Variants in CAP1 observed in about 807,000 individuals in gnomAD.
The protein encoded by CAP1 is adenylyl cyclase-associated protein 1.
CAP1 carries 11 observed loss-of-function variants against 58.2 expected under a neutral mutation model. That is an observed-to-expected ratio of 0.19 (90% CI 0.12 to 0.31). CAP1 has a LOEUF of 0.31. CAP1 is among the 10% of genes least tolerant of loss of function. The pLI is 1.00. For missense variants in CAP1, 423 were observed against 587.5 expected (o/e 0.72, Z 2.89); for synonymous variants, 183 against 213.8 (o/e 0.86, Z 1.26).
chr1:40,058,940 C>G (rs1646731068), intron 1 of CAP1, among the ~76,000 whole-genome samples: 1 of 151,988 alleles, frequency 6.6e-6, no homozygotes, highest in African/African-American at 2.4e-5. Flanking sequence ...TATCTCTAAG[C>G]GTGTAGTAAT....
In CAP1 at chr1:40,040,762, A is replaced by G. The variant is rs998417757; in HGVS notation, c.-50A>G. The G allele has an allele frequency of 6.5e-6, 1 of 152,900 alleles. No homozygotes were observed. Among genetic ancestry groups the G allele is most frequent in the Non-Finnish European group, 1.5e-5 (1 of 68,294 alleles). 9.5% of individuals were successfully genotyped at this position (152,900 alleles called of 1,614,324 possible). A position where few individuals can be genotyped will look rare whatever the true frequency, so the allele number is the denominator to read the frequency against. On this transcript the variant is annotated 5_prime_UTR_variant, in exon 1 of 13. Transcript: ENST00000372805. The stretch of plus-strand genomic sequence containing the variant: ...TGGGCGGTTCTTGCCGGAAGCGGAG[A>G]GCGGCTGATCGCAGTCCGGAGGTGA...
In CAP1 at chr1:40,069,739, G is replaced by C; in HGVS notation, c.858G>C (p.Leu286=). 1 of 1,613,838 alleles carries C rather than the reference G, an allele frequency of 6.2e-7. No individual in the cohort carries two copies. Residue 286 remains leucine, a synonymous_variant, in exon 9 of 13, where the codon CTG becomes CTC. Coordinates refer to ENST00000372805, the MANE Select transcript of CAP1 (RefSeq NM_006367.4). The stretch of plus-strand genomic sequence containing the variant: ...TGAAGACTCACAAGAACCCTGCCCT[G>C]AAGGCTCAGAGTGGTCCAGTACGCA... ...DDMKTHKNPA[L]KAQSGPVRSG...
At chr1:40,050,753 A>G (rs902904336) in intron 1 of CAP1, among the ~76,000 whole-genome samples, 6 of 152,144 alleles carry the variant, frequency 3.9e-5, no homozygotes, top group Non-Finnish European at 8.8e-5. Context: ...TCTAGACCCT[A>G]ATATCATCAC....
intron 8 of CAP1, 30 bp downstream of exon 8, chr1:40,067,747 G>A (rs1482688614): frequency 1.3e-6 from 2 of 1,543,406 alleles, no homozygotes; most frequent in Non-Finnish European, 8.8e-7. Context: ...CGAACAGTAG[G>A]TACAACAAGT....
rs747291241 is a variant in CAP1 at position 40,070,143 on chromosome 1, G to C, written c.994-16G>C. 6.2e-7 allele frequency: 1 copy of C among 1,613,724 alleles called. No individual in the cohort carries two copies. The highest frequency in any genetic ancestry group is 8.5e-7 in the Non-Finnish European group (1 of 1,180,012). On this transcript the variant is annotated splice_polypyrimidine_tract_variant and intron_variant, in intron 9 of 12. Coordinates refer to ENST00000372805, the MANE Select transcript of CAP1 (RefSeq NM_006367.4). ...GTGTGCTTTGTGATGAGAATCCTGG[G>C]ATCTCTCTCTAACAGGAAAATCAGG...
chr1:40,061,964 A>G (rs1570402250), intron 4 of CAP1, 152 bp downstream of exon 4: 2 of 674,176 alleles, frequency 3.0e-6, no homozygotes, highest in Admixed American at 2.3e-5. Flanking sequence ...CCATACTTCA[A>G]GTGCCTTAAT....
At chr1:40,041,898 C>T (rs1029409803) in intron 1 of CAP1, among the ~76,000 whole-genome samples, 1 of 152,142 alleles carries the variant, frequency 6.6e-6, no homozygotes, top group Non-Finnish European at 1.5e-5. Flanking sequence ...AATAGGAATG[C>T]GTTCGAAGAG....
At chr1:40,055,717 C>T (rs1414436818) in intron 1 of CAP1, among the ~76,000 whole-genome samples, 1 of 152,088 alleles carries the variant, frequency 6.6e-6, no homozygotes. Context: ...CTATGTTGCC[C>T]CGGCTAGTCT....
At chr1:40,061,156 C>CTT (rs34925764) in intron 3 of CAP1, among the ~76,000 whole-genome samples, 1,921 of 147,176 alleles carry the variant, frequency 0.013, 43 homozygotes, top group African/African-American at 0.044. Flanking sequence ...TTCTGCTGTA[C>CTT]TTTTTTTTTT....
Position 40,061,587 on chromosome 1 carries a change from A to G in CAP1, c.217-148A>G, listed in dbSNP as rs1646853471. 5.7e-6 allele frequency: 4 copies of G among 704,862 alleles called. No homozygotes were observed. The Middle Eastern group carries it at 7.3e-4, about 128-fold the overall frequency. 43.7% of individuals were successfully genotyped at this position (704,862 alleles called of 1,614,324 possible). A position where few individuals can be genotyped will look rare whatever the true frequency, so the allele number is the denominator to read the frequency against. On this transcript the variant is annotated intron_variant, in intron 3 of 12. Coordinates refer to ENST00000372805, the MANE Select transcript of CAP1 (RefSeq NM_006367.4). The stretch of plus-strand genomic sequence containing the variant: ...CAGTAGTGTATGTAATTCTGCTCTC[A>G]GTCCCTGGAATCTGGAATACATGAG...
intron 12 of CAP1, 85 bp from the exon 13 acceptor site, chr1:40,071,365 G>A: frequency 2.1e-6 from 2 of 940,296 alleles, no homozygotes; most frequent in Non-Finnish European, 3.4e-6. Flanking sequence ...TTAAGTGGAA[G>A]CAAGCATTGG....
intron 1 of CAP1, among the ~76,000 whole-genome samples, chr1:40,050,573 C>T (rs952090828): frequency 1.3e-5 from 2 of 151,758 alleles, no homozygotes; most frequent in African/African-American, 2.4e-5. Flanking sequence ...GCAGGAGAAT[C>T]GCTTGAACCT....
rs373208004 is a variant in CAP1, at chr1:40,067,581, C to G, written c.672C>G (p.Pro224=). The G allele has an allele frequency of 2.9e-5, 46 of 1,610,204 alleles. No homozygotes were observed. Among genetic ancestry groups the G allele is most frequent in the Non-Finnish European group, 3.6e-5 (43 of 1,178,102 alleles). The change falls in exon 8 of 13, where the codon CCC becomes CCG. Residue 224 remains proline (P), a synonymous_variant. Transcript: ENST00000372805. The stretch of plus-strand genomic sequence containing the variant: ...AACTGAGCGGACTGCCATCTGGACC[C>G]TCTGCCGGATCATGTCCTCCTCCCC... ...AKELSGLPSG[P]SAGSCPPPPP...
chr1:40,061,708 T>C (rs1646858356), intron 3 of CAP1, 27 bp from the exon 4 acceptor site: 3 of 1,594,598 alleles, frequency 1.9e-6, no homozygotes, highest in South Asian at 1.1e-5. Flanking sequence ...TAATGTGTCA[T>C]CAATAGCTGA....
chr1:40,072,250 AG>A lies in CAP1; in HGVS notation c.*719del, dbSNP rs1648177885. ...ACCTTCCTATAGAGATGACTTTAAA[AG>A]GAAAAAAAAAAAAAAAAAAACCCAC... On this transcript the variant is annotated 3_prime_UTR_variant, in exon 13 of 13. Coordinates refer to ENST00000372805, the MANE Select transcript of CAP1 (RefSeq NM_006367.4). 27 of 278,504 alleles carry A rather than the reference AG, an allele frequency of 9.7e-5. No individual in the cohort carries two copies. The highest frequency in any genetic ancestry group is 7.7e-4 in the Middle Eastern group (1 of 1,302). 17.3% of individuals were successfully genotyped at this position (278,504 alleles called of 1,614,324 possible).
At chr1:40,057,348 C>A (rs886940869) in intron 1 of CAP1, 1 of 152,104 alleles carries the variant, frequency 6.6e-6, no homozygotes, top group Non-Finnish European at 1.5e-5. Context: ...GATCAGTATG[C>A]ATAATGGAAC....
chr1:40,061,896 A>T (rs1646869586), intron 4 of CAP1, 84 bp downstream of exon 4: 4 of 1,019,738 alleles, frequency 3.9e-6, no homozygotes, highest in Non-Finnish European at 6.2e-6. Context: ...ATAACATTTT[A>T]AAATAGACCT....
chr1:40,070,976 C>T lies in CAP1; in HGVS notation c.1341C>T (p.Asp447=). ...MNVLIPTEGG[D]FNEFPVPEQF... is the part of the protein sequence containing the mutation. ...TCCTCATTCCTACAGAAGGCGGTGA[C>T]TTTGTAAGTTTCTTGATCTCTTTAG... Residue 447 remains aspartate, a synonymous_variant, in exon 12 of 13, where the codon GAC becomes GAT. Coordinates refer to ENST00000372805, the MANE Select transcript of CAP1 (RefSeq NM_006367.4). The T allele has an allele frequency of 6.2e-7, 1 of 1,609,230 alleles. No homozygotes were observed. Among genetic ancestry groups the T allele is most frequent in the Non-Finnish European group, 8.5e-7 (1 of 1,178,226 alleles).
intron 6 of CAP1, 73 bp downstream of exon 6, chr1:40,064,632 A>G: frequency 8.7e-7 from 1 of 1,143,510 alleles, no homozygotes; most frequent in Non-Finnish European, 1.3e-6. Context: ...GCTGAAGTAC[A>G]GTGGCACAAT....
Sources: allele counts gnomAD v4.1 joint callset (sites outside exome capture counted in the v4.1 genomes callset), GRCh38; gene constraint gnomAD v4.1.1; transcripts MANE v1.5; gene names NCBI Gene and HGNC (gene_info 2026-07-23, HGNC 2026-07-21).